The following TWIST2 variants were observed in gnomAD, a reference collection of about 807,000 sequenced individuals.
TWIST2 encodes twist family bHLH transcription factor 2, also known as twist-related protein 2.
A neutral mutation model predicts 11.6 loss-of-function variants in TWIST2; 1 was observed. That is an observed-to-expected ratio of 0.09 (90% confidence interval 0.03 to 0.41). TWIST2 has a LOEUF of 0.41. Ranked by LOEUF, TWIST2 falls within the 10% of genes least tolerant of loss-of-function variation. The pLI is 0.98. For missense variants in TWIST2, 168 were observed against 226.4 expected (o/e 0.74, Z 1.66); for synonymous variants, 87 against 96.6 (o/e 0.90, Z 0.58).
chr2:238,870,214 C>A (rs1289347613), intron 1 of TWIST2, among the ~76,000 whole-genome samples: 3 of 12,626 alleles, frequency 2.4e-4, no homozygotes, highest in East Asian at 1.4e-3. Context: ...ACCACACACC[C>A]CACACACACA....
intron 1 of TWIST2, among the ~76,000 whole-genome samples, chr2:238,893,808 C>G (rs1242664803): frequency 3.9e-5 from 6 of 152,236 alleles, no homozygotes; most frequent in African/African-American, 1.4e-4. Flanking sequence ...GCGCCGACCT[C>G]CTGGCCTCCG....
intron 1 of TWIST2, among the ~76,000 whole-genome samples, chr2:238,904,195 T>C (rs1309878807): frequency 2.0e-5 from 3 of 148,554 alleles, no homozygotes; most frequent in Admixed American, 2.0e-4. Flanking sequence ...ATGTGGGGTG[T>C]GTGTGATGTG....
intron 1 of TWIST2, among the ~76,000 whole-genome samples, chr2:238,870,126 A>C (rs865906536): frequency 0.068 from 632 of 9,336 alleles, 53 homozygotes; most frequent in East Asian, 0.39. Flanking sequence ...TACACCCCCC[A>C]CACACACACC....
At chr2:238,886,830 G>T (rs1434982374) in intron 1 of TWIST2, 1 of 152,198 alleles carries the variant, frequency 6.6e-6, no homozygotes, top group Non-Finnish European at 1.5e-5. Flanking sequence ...ACCAAACAGA[G>T]CGAAGAGGAA....
chr2:238,898,711 C>T (rs1693235410), intron 1 of TWIST2, among the ~76,000 whole-genome samples: 1 of 152,230 alleles, frequency 6.6e-6, no homozygotes, highest in African/African-American at 2.4e-5. Flanking sequence ...GTCGGCCCAG[C>T]CTTCCAGATA....
At chr2:238,905,968 T>TGTAC (rs1402970434) in intron 1 of TWIST2, among the ~76,000 whole-genome samples, 5 of 137,494 alleles carry the variant, frequency 3.6e-5, no homozygotes, top group African/African-American at 1.5e-4. Context: ...CGTGTGCGTG[T>TGTAC]GTGTGCGCGC....
chr2:238,894,188 C>T (rs1481579756), intron 1 of TWIST2, among the ~76,000 whole-genome samples: 1 of 152,196 alleles, frequency 6.6e-6, no homozygotes, highest in East Asian at 1.9e-4. Flanking sequence ...GAGAATCTGC[C>T]TCTGAAGCCC....
chr2:238,888,275 G>T (rs1693075974), intron 1 of TWIST2, among the ~76,000 whole-genome samples: 1 of 152,196 alleles, frequency 6.6e-6, no homozygotes, highest in African/African-American at 2.4e-5. Flanking sequence ...TCAGAGTCCT[G>T]TCTCCATTTC....
chr2:238,850,042 T>C (rs1193196557), intron 1 of TWIST2, among the ~76,000 whole-genome samples: 1 of 152,218 alleles, frequency 6.6e-6, no homozygotes, highest in Admixed American at 6.5e-5. Flanking sequence ...TTTTATGTGG[T>C]TCTATAATAT....
At position 238,864,598 on chromosome 2, in the gene TWIST2, C is replaced by T. The variant is rs1033824118; in HGVS notation, c.*35+15865C>T. Among the ~76,000 whole-genome samples the T allele has an allele frequency of 3.9e-5, 6 of 152,122 alleles. No homozygotes were observed. Among genetic ancestry groups the T allele is most frequent in the Admixed American group, 2.0e-4 (3 of 15,282 alleles). Reference sequence around the variant, plus strand: ...AACTAAGGGCACCAGGCAGCCCACCCGGCCCGGCCAAGACCAGCAGGACAG... The same window carrying T: ...AACTAAGGGCACCAGGCAGCCCACCTGGCCCGGCCAAGACCAGCAGGACAG... On this transcript the variant is annotated intron_variant, in intron 1 of 1. Coordinates refer to ENST00000612363, the MANE Select transcript of TWIST2 (RefSeq NM_001271893.4). The surrounding 1 kb of genome is among the most constrained non-coding windows in gnomAD (Gnocchi z 4.7).
chr2:238,909,657 T>C (rs1264819183), intron 1 of TWIST2, among the ~76,000 whole-genome samples, 185 bp from the exon 2 acceptor site: 1 of 152,062 alleles, frequency 6.6e-6, no homozygotes, highest in Non-Finnish European at 1.5e-5. Context: ...TGCGGAAGCC[T>C]GGGCTGGCCC....
In TWIST2 at chr2:238,860,392, GC is replaced by G. The variant is rs543714901; in HGVS notation, c.*35+11662del. Among the ~76,000 whole-genome samples the G allele has an allele frequency of 2.7e-3, 413 of 152,214 alleles. 2 individuals carry two copies. The highest frequency in any genetic ancestry group is 9.5e-3 in the African/African-American group (395 of 41,538). ...CTGTGTTTGAGACACTGTCAAAACCGCCCACCCAAGAGGGATGGGCCAGAGA... is the reference window on the plus strand; with the variant it reads ...CTGTGTTTGAGACACTGTCAAAACCGCCACCCAAGAGGGATGGGCCAGAGA... On this transcript the variant is annotated intron_variant, in intron 1 of 1. Coordinates refer to ENST00000612363, the MANE Select transcript of TWIST2 (RefSeq NM_001271893.4).
chr2:238,910,011 G>T lies in TWIST2; in HGVS notation c.*205G>T, dbSNP rs1421706051. Reference sequence around the variant, plus strand: ...CCGGGCTCCCGTCCTCCCCCAGGACGGTCCCCACATAGGAAGGGCACTCCC... The same window carrying T: ...CCGGGCTCCCGTCCTCCCCCAGGACTGTCCCCACATAGGAAGGGCACTCCC... On this transcript the variant is annotated 3_prime_UTR_variant, in exon 2 of 2. Coordinates refer to ENST00000612363, the MANE Select transcript of TWIST2 (RefSeq NM_001271893.4). The T allele has an allele frequency of 2.6e-5, 4 of 152,106 alleles. No homozygotes were observed. The highest frequency in any genetic ancestry group is 5.9e-5 in the Non-Finnish European group (4 of 68,014). 9.4% of individuals were successfully genotyped at this position (152,106 alleles called of 1,614,324 possible). A position where few individuals can be genotyped will look rare whatever the true frequency, so the allele number is the denominator to read the frequency against.
At chr2:238,887,896 C>G (rs1693070141) in intron 1 of TWIST2, among the ~76,000 whole-genome samples, 1 of 152,190 alleles carries the variant, frequency 6.6e-6, no homozygotes, top group Non-Finnish European at 1.5e-5. Flanking sequence ...CAGCGTGAAG[C>G]CTAACTTGTT....
chr2:238,848,548 C>T lies in TWIST2; in HGVS notation c.333C>T (p.Ala111=), dbSNP rs1692176577. The T allele has an allele frequency of 1.3e-6, 2 of 1,591,338 alleles. No individual in the cohort carries two copies. The highest frequency in any genetic ancestry group is 2.3e-5 in the East Asian group (1 of 43,828). Residue 111 remains alanine, a synonymous_variant, in exon 1 of 2, where the codon GCC becomes GCT. Coordinates refer to ENST00000612363, the MANE Select transcript of TWIST2 (RefSeq NM_001271893.4). ...AGATCCAGACGCTCAAGCTGGCCGCCAGGTACATAGACTTCCTCTACCAGG... is the reference window on the plus strand; with the variant it reads ...AGATCCAGACGCTCAAGCTGGCCGCTAGGTACATAGACTTCCTCTACCAGG... The part of the protein sequence containing the change: ...LSKIQTLKLA[A]RYIDFLYQVL...
chr2:238,851,996 T>C lies in TWIST2; in HGVS notation c.*35+3263T>C, dbSNP rs568891679. On this transcript the variant is annotated intron_variant, in intron 1 of 1. Transcript: ENST00000612363. The stretch of plus-strand genomic sequence containing the variant: ...AGTGGCTCTTTGAGGCCATTTGAGA[T>C]AGAATACTTCACTGAGGTTTCCTGA... Among the ~76,000 whole-genome samples, 4 of 152,326 alleles carry C rather than the reference T, an allele frequency of 2.6e-5. No homozygotes were observed. In the South Asian group the frequency reaches 8.3e-4, roughly 32 times the overall value.
chr2:238,889,004 A>G (rs1345154875), intron 1 of TWIST2, among the ~76,000 whole-genome samples: 1 of 152,206 alleles, frequency 6.6e-6, no homozygotes, highest in Non-Finnish European at 1.5e-5. Flanking sequence ...GTTCTCTTAA[A>G]AAAATTCCAG....
chr2:238,905,950 C>CGTGTGTACGTGTGCGT (rs1693345092), intron 1 of TWIST2, among the ~76,000 whole-genome samples: 1 of 119,542 alleles, frequency 8.4e-6, no homozygotes, highest in East Asian at 2.2e-4. Context: ...TGTGCGCGCG[C>CGTGTGTACGTGTGCGT]GTGTGTACGT....
At chr2:238,894,278 C>T (rs1407113845) in intron 1 of TWIST2, among the ~76,000 whole-genome samples, 2 of 152,304 alleles carry the variant, frequency 1.3e-5, no homozygotes, top group East Asian at 1.9e-4. Flanking sequence ...TCCAGCAGCT[C>T]CACGTGGCTG....
Sources: allele counts gnomAD v4.1 joint callset (sites outside exome capture counted in the v4.1 genomes callset), GRCh38; gene constraint gnomAD v4.1.1; non-coding constraint Gnocchi (gnomAD v3.1); transcripts MANE v1.5; gene names NCBI Gene and HGNC (gene_info 2026-07-23, HGNC 2026-07-21).